Variants in OTOA observed in about 807,000 individuals in gnomAD.
The protein encoded by OTOA is cancer/testis antigen 108.
A neutral mutation model predicts 110.8 loss-of-function variants in OTOA; 70 were observed. The observed-to-expected ratio is 0.63, with a 90% CI of 0.52 to 0.77. The LOEUF is 0.77. Ranked by LOEUF, OTOA falls within the 30% of genes least tolerant of loss-of-function variation. OTOA has a pLI of 0.00. For missense variants in OTOA, 917 were observed against 1,075.8 expected, an observed-to-expected ratio of 0.85 and a Z score of 2.06; for synonymous variants, 373 against 431.5, an observed-to-expected ratio of 0.86 and a Z score of 1.68.
chr16:21,721,427 C>G (rs1357430067), intron 17 of OTOA: 1 of 455,826 alleles, frequency 2.2e-6, no homozygotes, highest in Non-Finnish European at 4.4e-6. Context: ...CTACTGGCCT[C>G]TAGTGGGTAG....
chr16:21,728,493 C>T, intron 20 of OTOA, 62 bp downstream of exon 20: 2 of 1,552,964 alleles, frequency 1.3e-6, no homozygotes, highest in East Asian at 4.7e-5. Context: ...GACACTCAAC[C>T]TTGGCTCTCC....
chr16:21,705,190 C>T lies in OTOA; in HGVS notation c.1002C>T (p.Phe334=). Residue 334 remains phenylalanine (F), a synonymous_variant, in exon 12 of 29, where the codon TTC becomes TTT. Coordinates refer to ENST00000646100, the MANE Select transcript of OTOA (RefSeq NM_144672.4). ...TIHRLGLLVC[F]YNDLELLDAT... ...ACAGGCTGGGGCTGCTGGTTTGTTT[C>T]TACAATGACCTGGAATTGCTGGATG... 1.2e-6 allele frequency: 2 copies of T among 1,614,172 alleles called. No homozygotes were observed. The highest frequency in any genetic ancestry group is 2.2e-5 in the South Asian group (2 of 91,074).
intron 13 of OTOA, among the ~76,000 whole-genome samples, chr16:21,714,486 C>T (rs1029715565): frequency 3.5e-4 from 45 of 127,048 alleles, no homozygotes; most frequent in African/African-American, 1.3e-3. Context: ...TTTCCTCTCC[C>T]TCTCTCTCTC....
intron 1 of OTOA, among the ~76,000 whole-genome samples, chr16:21,668,169 C>CA (rs1165747564): frequency 6.6e-6 from 1 of 152,122 alleles, no homozygotes; most frequent in Non-Finnish European, 1.5e-5. Flanking sequence ...AGTGCTGTGG[C>CA]ATGATCATAG....
chr16:21,713,395 G>A (rs1453874276), intron 13 of OTOA, among the ~76,000 whole-genome samples: 2 of 152,170 alleles, frequency 1.3e-5, no homozygotes, highest in Admixed American at 1.3e-4. Flanking sequence ...AGAGGGCGAG[G>A]GAGGGATGAA....
Position 21,678,896 on chromosome 16 carries a change from T to G in OTOA, c.92-19T>G. 1 of 1,612,104 alleles carries G rather than the reference T, an allele frequency of 6.2e-7. No homozygotes were observed. Among genetic ancestry groups the G allele is most frequent in the Non-Finnish European group, 8.5e-7 (1 of 1,179,614 alleles). On this transcript the variant is annotated intron_variant, in intron 2 of 28. Coordinates refer to ENST00000646100, the MANE Select transcript of OTOA (RefSeq NM_144672.4). Reference sequence around the variant, plus strand: ...CACACAATTCAATTCTAGTTATACATTCAATGGCTTTCTTACAGATTTGCA... The same window carrying G: ...CACACAATTCAATTCTAGTTATACAGTCAATGGCTTTCTTACAGATTTGCA...
chr16:21,718,917 G>A (rs144500733), intron 15 of OTOA, among the ~76,000 whole-genome samples: 1 of 152,278 alleles, frequency 6.6e-6, no homozygotes, highest in East Asian at 1.9e-4. Flanking sequence ...ATCATCTGGA[G>A]TGTGAGAGTG....
chr16:21,709,747 C>T, intron 12 of OTOA, 141 bp from the exon 13 acceptor site: 1 of 765,192 alleles, frequency 1.3e-6, no homozygotes, highest in Non-Finnish European at 2.3e-6. Flanking sequence ...AGTCCCTTTC[C>T]TTCATCGTTT....
rs556413024 is a variant in OTOA at position 21,744,351 on chromosome 16, T to C, written c.2620-530T>C. On this transcript the variant is annotated intron_variant, in intron 23 of 28. Transcript: ENST00000646100. ...TAGTAGAGGCAGGGTTTCGTTATGT[T>C]GGCCAGGCTGGTCTTGAACTCCTGG... Among the ~76,000 whole-genome samples the C allele has an allele frequency of 1.8e-4, 27 of 152,152 alleles. No individual in the cohort carries two copies. In the East Asian group the frequency reaches 5.1e-3, roughly 29 times the overall value.
At chr16:21,712,019 C>T (rs1269185014) in intron 13 of OTOA, among the ~76,000 whole-genome samples, 2 of 151,764 alleles carry the variant, frequency 1.3e-5, no homozygotes, top group East Asian at 3.9e-4. Flanking sequence ...CAAAACTCAT[C>T]AATTTTTATT....
intron 20 of OTOA, among the ~76,000 whole-genome samples, chr16:21,728,742 C>G (rs1436608402): frequency 6.6e-6 from 1 of 152,034 alleles, no homozygotes; most frequent in Admixed American, 6.6e-5. Flanking sequence ...GCATGTGCCA[C>G]CACGCCCAGC....
intron 10 of OTOA, among the ~76,000 whole-genome samples, chr16:21,698,703 G>A (rs1897992237): frequency 6.6e-6 from 1 of 152,028 alleles, no homozygotes; most frequent in Non-Finnish European, 1.5e-5. Context: ...TTACCTAGGG[G>A]GCTGGGAGTA....
chr16:21,665,005 T>C (rs1207785143), intron 1 of OTOA, among the ~76,000 whole-genome samples: 1 of 151,628 alleles, frequency 6.6e-6, no homozygotes, highest in Non-Finnish European at 1.5e-5. Flanking sequence ...AATAAATAAA[T>C]AAATAAATAA....
intron 1 of OTOA, among the ~76,000 whole-genome samples, chr16:21,670,029 G>A (rs563225564): frequency 3.9e-5 from 6 of 152,200 alleles, no homozygotes; most frequent in Non-Finnish European, 8.8e-5. Context: ...GAGAGGCTGA[G>A]GCAGGAGAAT....
chr16:21,727,053 G>A (rs916603889), intron 19 of OTOA: 37 of 223,344 alleles, frequency 1.7e-4, no homozygotes, highest in Non-Finnish European at 2.2e-4. Context: ...GTCTCACTCT[G>A]TCACCCAGGC....
At chr16:21,714,890 C>T (rs1018298887) in intron 13 of OTOA, 95 bp from the exon 14 acceptor site, 10 of 1,529,404 alleles carry the variant, frequency 6.5e-6, no homozygotes, top group Admixed American at 1.7e-5. Context: ...TAAGGTGTCA[C>T]CCATCCCTAT....
In OTOA at chr16:21,715,011, G is replaced by A. The variant is rs746634223; in HGVS notation, c.1347G>A (p.Gln449=). Reference sequence around the variant, plus strand: ...TGCTGTCTTTCTACAATGTCAGCCAGATGGGCGCACTGCTGGCTGGGGTCA... The same window carrying A: ...TGCTGTCTTTCTACAATGTCAGCCAAATGGGCGCACTGCTGGCTGGGGTCA... ...EKVLSFYNVS[Q]MGALLAGVST... The change falls in exon 14 of 29, where the codon CAG becomes CAA. Residue 449 remains glutamine (Q), a synonymous_variant. Coordinates refer to ENST00000646100, the MANE Select transcript of OTOA (RefSeq NM_144672.4). The A allele has an allele frequency of 1.1e-5, 17 of 1,614,230 alleles. No individual in the cohort carries two copies. Among genetic ancestry groups the A allele is most frequent in the Non-Finnish European group, 1.4e-5 (17 of 1,180,022 alleles).
rs765295123 is a variant in OTOA at position 21,685,280 on chromosome 16, G to T, written c.318G>T (p.Leu106=). The change falls in exon 7 of 29, where the codon CTG becomes CTT. Residue 106 remains leucine, a synonymous_variant. Coordinates refer to ENST00000646100, the MANE Select transcript of OTOA (RefSeq NM_144672.4). ...LEQRLHQPQK[L]LEDLRKTDAQ... ...AGCGTCTGCACCAGCCCCAGAAGCT[G>T]CTGGAGGACCTGAGGAAGACAGACG... 1.9e-6 allele frequency: 3 copies of T among 1,613,300 alleles called. No individual in the cohort carries two copies. Among genetic ancestry groups the T allele is most frequent in the Middle Eastern group, 1.6e-4 (1 of 6,062 alleles).
intron 8 of OTOA, among the ~76,000 whole-genome samples, chr16:21,690,814 G>A (rs969063003): frequency 6.6e-6 from 1 of 151,674 alleles, no homozygotes; most frequent in Admixed American, 6.6e-5. Flanking sequence ...AGAAAGGGAA[G>A]GTTTTTTTTT....
Sources: allele counts gnomAD v4.1 joint callset (sites outside exome capture counted in the v4.1 genomes callset), GRCh38; gene constraint gnomAD v4.1.1; transcripts MANE v1.5; gene names NCBI Gene and HGNC (gene_info 2026-07-23, HGNC 2026-07-21).